Variants in NUP153 observed in about 807,000 individuals in gnomAD.
The protein encoded by NUP153 is nucleoporin 153, also known as nuclear pore complex protein Nup153.
In NUP153, 27 loss-of-function variants were observed where a neutral mutation model predicts 134.6. The ratio of observed to expected loss-of-function variants is 0.20; its 90% CI spans 0.15 to 0.28. The LOEUF (loss-of-function observed/expected upper bound fraction) is 0.28. Ranked by LOEUF, NUP153 falls within the 10% of genes least tolerant of loss-of-function variation. The pLI, the probability that NUP153 is intolerant of heterozygous loss-of-function variation, is 1.00. For missense variants in NUP153, 1,821 were observed against 1,731.3 expected, an observed-to-expected ratio of 1.05 and a Z score of -0.92; for synonymous variants, 640 against 623.5, an observed-to-expected ratio of 1.03 and a Z score of -0.40.
In NUP153 at chr6:17,668,001, C is replaced by T. The variant is rs546884881; in HGVS notation, c.1068+974G>A. 2.8e-5 allele frequency among the ~76,000 whole-genome samples: 4 copies of T among 145,438 alleles called. No homozygotes were observed. The East Asian group carries it at 8.5e-4, about 31-fold the overall frequency. The stretch of plus-strand genomic sequence containing the variant: ...ATTCTACTACACACAATAGATTTCA[C>T]AAAATTTTGGTTAATGAGGAAAGTA... On this transcript the variant is annotated intron_variant, in intron 8 of 21. Transcript: ENST00000262077.
At chr6:17,633,172 AG>A (rs1197833720) in intron 16 of NUP153, among the ~76,000 whole-genome samples, 1 of 152,238 alleles carries the variant, frequency 6.6e-6, no homozygotes, top group Non-Finnish European at 1.5e-5. Flanking sequence ...CTCGCAAATT[AG>A]GGGCTCAAAG....
At chr6:17,639,244 A>T (rs1259761230) in intron 15 of NUP153, among the ~76,000 whole-genome samples, 3 of 151,446 alleles carry the variant, frequency 2.0e-5, no homozygotes, top group Non-Finnish European at 4.4e-5. Context: ...CGCCCAGCTA[A>T]TTTTTTCTCT....
In NUP153 at chr6:17,646,936, T is replaced by TA. The variant is rs11454433; in HGVS notation, c.1633-783dup. 3.3e-5 allele frequency among the ~76,000 whole-genome samples: 5 copies of TA among 150,254 alleles called. No individual in the cohort carries two copies. The East Asian group carries it at 7.8e-4, about 24-fold the overall frequency. On this transcript the variant is annotated intron_variant, in intron 13 of 21. Coordinates refer to ENST00000262077, the MANE Select transcript of NUP153 (RefSeq NM_005124.4). ...GTATTTTCTTTTTTTTTTTTTTTTT[T>TA]AGTAGAGACGAGGTTCCACTATGTT...
chr6:17,616,770 G>A, intron 20 of NUP153, 75 bp from the exon 21 acceptor site: 1 of 1,430,070 alleles, frequency 7.0e-7, no homozygotes, highest in Non-Finnish European at 9.7e-7. Flanking sequence ...TGTTTTTTGA[G>A]ACGGAGTCTC....
intron 2 of NUP153, among the ~76,000 whole-genome samples, chr6:17,676,897 A>G (rs1322198100): frequency 2.6e-5 from 4 of 152,180 alleles, no homozygotes; most frequent in Admixed American, 6.5e-5. Context: ...GCACATACCT[A>G]TATCAAGACC....
intron 12 of NUP153, among the ~76,000 whole-genome samples, 164 bp downstream of exon 12, chr6:17,648,999 T>C (rs528855568): frequency 3.3e-5 from 5 of 152,332 alleles, no homozygotes; most frequent in Admixed American, 6.5e-5. Context: ...TCCAAGATAT[T>C]TGTACATTTT....
rs1273891859 is a variant in NUP153, at chr6:17,680,440, A to G, written c.335-4670T>C. Reference sequence around the variant, plus strand: ...GAACCCTTATCTTGAACCATATACAAAAATTAACTCTAAATGGATTAAAGA... The same window carrying G: ...GAACCCTTATCTTGAACCATATACAGAAATTAACTCTAAATGGATTAAAGA... On this transcript the variant is annotated intron_variant, in intron 2 of 21. Transcript: ENST00000262077. The surrounding 1 kb of genome is among the most constrained non-coding windows in gnomAD (Gnocchi z 4.5). Among the ~76,000 whole-genome samples, 1 of 152,196 alleles carries G rather than the reference A, an allele frequency of 6.6e-6. No individual in the cohort carries two copies. Among genetic ancestry groups the G allele is most frequent in the Non-Finnish European group, 1.5e-5 (1 of 68,036 alleles).
chr6:17,636,334 C>CA (rs199891939), intron 16 of NUP153, among the ~76,000 whole-genome samples: 1,797 of 67,080 alleles, frequency 0.027, 18 homozygotes, highest in African/African-American at 0.055. Context: ...GACTCTGTCT[C>CA]AAAAAAAAAA....
chr6:17,706,343 C>T lies in NUP153; in HGVS notation c.45G>A (p.Lys15=), dbSNP rs1770499346. 6.2e-7 allele frequency: 1 copy of T among 1,613,508 alleles called. No individual in the cohort carries two copies. The highest frequency in any genetic ancestry group is 2.2e-5 in the East Asian group (1 of 44,854). ...CCTGGTGGCAACGCCGCGTCCGGAT[C>T]TTGCCGCCACCGCCCCCTCCGACTC... The part of the protein sequence containing the change: ...AGGVGGGGGG[K]IRTRRCHQGP... Residue 15 remains lysine (K), a synonymous_variant, in exon 1 of 22, where the codon AAG becomes AAA. Transcript: ENST00000262077. The surrounding 1 kb of genome is among the most constrained non-coding windows in gnomAD (Gnocchi z 5.9).
chr6:17,633,985 CTTAG>C (rs748788188), intron 16 of NUP153, among the ~76,000 whole-genome samples: 4 of 152,292 alleles, frequency 2.6e-5, no homozygotes, highest in South Asian at 4.1e-4. Flanking sequence ...ACTGTAGTCT[CTTAG>C]TTGGTGACTC....
intron 14 of NUP153, among the ~76,000 whole-genome samples, chr6:17,642,883 C>T (rs1765903719): frequency 6.6e-6 from 1 of 152,136 alleles, no homozygotes; most frequent in South Asian, 2.1e-4. Context: ...GACATAAGAA[C>T]CTTGAAACCA....
intron 2 of NUP153, among the ~76,000 whole-genome samples, chr6:17,676,597 A>G (rs111918776): frequency 0.015 from 2,221 of 152,302 alleles, 68 homozygotes; most frequent in African/African-American, 0.051. Flanking sequence ...TTAGAACGGA[A>G]TAAGTGGGAC....
At chr6:17,687,516 T>C (rs1262110762) in intron 2 of NUP153, among the ~76,000 whole-genome samples, 1 of 152,186 alleles carries the variant, frequency 6.6e-6, no homozygotes. Context: ...ATACATCTAG[T>C]TGAACATTAC....
intron 1 of NUP153, among the ~76,000 whole-genome samples, chr6:17,697,351 T>C (rs994598839): frequency 2.6e-5 from 4 of 152,216 alleles, no homozygotes; most frequent in Non-Finnish European, 4.4e-5. Flanking sequence ...TATAAGGTAT[T>C]GTGAATACAT....
intron 9 of NUP153, 41 bp downstream of exon 9, chr6:17,665,198 A>G: frequency 6.8e-7 from 1 of 1,465,910 alleles, no homozygotes; most frequent in Non-Finnish European, 9.5e-7. Context: ...TACTTATTCT[A>G]ATCAATATTC....
intron 20 of NUP153, among the ~76,000 whole-genome samples, chr6:17,619,903 GC>G (rs943109133): frequency 9.9e-5 from 15 of 151,956 alleles, no homozygotes; most frequent in African/African-American, 3.1e-4. Context: ...TTCGAGACCA[GC>G]GTGGCCAACA....
intron 15 of NUP153, among the ~76,000 whole-genome samples, chr6:17,639,455 T>C (rs1057142868): frequency 4.6e-5 from 7 of 152,218 alleles, no homozygotes; most frequent in African/African-American, 1.4e-4. Context: ...TATTCTTATC[T>C]GAGAACTATT....
rs778385534 is a variant in NUP153, at chr6:17,637,233, C to T, written c.2384G>A (p.Gly795Glu). Residue 795 changes from glycine to glutamate, a missense_variant, in exon 16 of 22, where the codon GGA (glycine) becomes GAA (glutamate). Physicochemically the swap from Gly to Glu is moderately conservative, Grantham distance 98. Transcript: ENST00000262077. ...ACAGCATACTGAACACTCCCAAGAT[C>T]CAATGGGCCTTTTGAATTTATCTCC... ...GFGDKFKRPI[G>E]SWECSVCCVS... The T allele has an allele frequency of 1.9e-6, 3 of 1,614,172 alleles. No homozygotes were observed. Among genetic ancestry groups the T allele is most frequent in the Non-Finnish European group, 2.5e-6 (3 of 1,180,038 alleles).
chr6:17,690,675 G>C (rs1037748489), intron 1 of NUP153, among the ~76,000 whole-genome samples: 1 of 151,922 alleles, frequency 6.6e-6, no homozygotes, highest in African/African-American at 2.4e-5. Context: ...CAAAGAAAGA[G>C]TCAAAGAAAG....
Sources: allele counts gnomAD v4.1 joint callset (sites outside exome capture counted in the v4.1 genomes callset), GRCh38; gene constraint gnomAD v4.1.1; non-coding constraint Gnocchi (gnomAD v3.1); transcripts MANE v1.5; gene names NCBI Gene and HGNC (gene_info 2026-07-23, HGNC 2026-07-21).